Variants in SV2C observed in about 807,000 individuals in gnomAD.
SV2C encodes the protein synaptic vesicle glycoprotein 2C, also known as solute carrier family 22 member B3.
SV2C carries 49 observed loss-of-function variants against 79.7 expected under a neutral mutation model. The ratio of observed to expected loss-of-function variants is 0.61; its 90% confidence interval spans 0.49 to 0.78. The LOEUF is 0.78. Among genes scored for constraint, SV2C ranks in the 30% least tolerant of loss-of-function variants. SV2C has a pLI of 0.00. For synonymous variants in SV2C, 334 were observed against 333.2 expected, an observed-to-expected ratio of 1.00 and a Z score of -0.03; for missense variants, 833 against 912.9, an observed-to-expected ratio of 0.91 and a Z score of 1.13.
the SV2C span, among the ~76,000 whole-genome samples, chr5:75,900,478 T>C: frequency 6.6e-6 from 1 of 152,216 alleles, no homozygotes. Context: ...CCGACCTTTC[T>C]CTCTGGCTGC....
chr5:75,926,209 A>C, the SV2C span, among the ~76,000 whole-genome samples: 23 of 152,226 alleles, frequency 1.5e-4, no homozygotes, highest in African/African-American at 5.5e-4. Flanking sequence ...GGCTTACCCA[A>C]ACTCTCATCT....
the SV2C span, among the ~76,000 whole-genome samples, chr5:75,954,164 A>G: frequency 6.6e-6 from 1 of 151,966 alleles, no homozygotes; most frequent in Non-Finnish European, 1.5e-5. Flanking sequence ...AAGGGGACGC[A>G]CTGCCTTATG....
chr5:75,872,674 TG>T, the SV2C span, among the ~76,000 whole-genome samples: 2 of 147,824 alleles, frequency 1.4e-5, no homozygotes, highest in African/African-American at 5.3e-5. Context: ...GAAAGAAAAA[TG>T]ATCATATTAG....
At chr5:76,058,120 T>C in the SV2C span, among the ~76,000 whole-genome samples, 1 of 152,152 alleles carries the variant, frequency 6.6e-6, no homozygotes, top group African/African-American at 2.4e-5. Flanking sequence ...CTGTGTCTTA[T>C]GTCTGGATAA....
In SV2C at chr5:76,285,167, A is replaced by T; in HGVS notation, c.919A>T (p.Ser307Cys). 1.2e-6 allele frequency: 2 copies of T among 1,614,018 alleles called. No individual in the cohort carries two copies. The highest frequency in any genetic ancestry group is 1.7e-6 in the Non-Finnish European group (2 of 1,179,954). The change falls in exon 5 of 13, where the codon AGC (serine) becomes TGC (cysteine). Residue 307 changes from serine to cysteine, a missense_variant. Transcript: ENST00000502798. Reference sequence around the variant, plus strand: ...TCCGTGTCCTCCTTTTCCAGGGTGGAGCTTCAGCATGGGATCGGCCTACCA... The same window carrying T: ...TCCGTGTCCTCCTTTTCCAGGGTGGTGCTTCAGCATGGGATCGGCCTACCA... ...AWAIIPHYGW[S>C]FSMGSAYQFH...
chr5:75,873,886 C>T, the SV2C span, among the ~76,000 whole-genome samples: 2 of 152,088 alleles, frequency 1.3e-5, no homozygotes, highest in Admixed American at 6.6e-5. Context: ...AGACCAATAT[C>T]AAGCTCTGAA....
chr5:76,058,134 C>T, the SV2C span, among the ~76,000 whole-genome samples: 2 of 152,060 alleles, frequency 1.3e-5, no homozygotes, highest in South Asian at 2.1e-4. Context: ...TGGATAAATG[C>T]CAGAGGTGCA....
At chr5:75,911,560 C>T in the SV2C span, 1 of 670,428 alleles carries the variant, frequency 1.5e-6, no homozygotes, top group Non-Finnish European at 2.7e-6. Context: ...TAGTACCTCC[C>T]TAGAGTTCTC....
chr5:75,882,582 C>T, the SV2C span, among the ~76,000 whole-genome samples: 1 of 152,088 alleles, frequency 6.6e-6, no homozygotes, highest in Non-Finnish European at 1.5e-5. Flanking sequence ...GCAGAGCCCT[C>T]AGAAATAACA....
Position 76,332,141 on chromosome 5 carries a change from T to C in SV2C, c.*6594T>C, listed in dbSNP as rs1325184416. The C allele has an allele frequency of 2.0e-5, 3 of 152,198 alleles. No homozygotes were observed. 9.4% of individuals were successfully genotyped at this position (152,198 alleles called of 1,614,324 possible). On this transcript the variant is annotated 3_prime_UTR_variant, in exon 13 of 13. Transcript: ENST00000502798. ...GGTCTGAATGCTGAAATTGCTGAGA[T>C]TGTCCACTCTCTGCCTACTTTATTG...
chr5:76,189,247 C>T (rs1042570443), intron 2 of SV2C, among the ~76,000 whole-genome samples: 1 of 151,894 alleles, frequency 6.6e-6, no homozygotes, highest in Non-Finnish European at 1.5e-5. Flanking sequence ...AGAGACGGAG[C>T]TTACACTGAT....
In SV2C at chr5:76,132,341, G is replaced by C; in HGVS notation, c.580+11G>C. ...GATCTGGATGGCTAGGTGAGTGTGT[G>C]GTGTCAGTGAGGCCAACTCTGAAAC... is the stretch of plus-strand genomic sequence containing the variant. On this transcript the variant is annotated intron_variant, in intron 2 of 12. Transcript: ENST00000502798. 1 of 1,594,480 alleles carries C rather than the reference G, an allele frequency of 6.3e-7. No homozygotes were observed.
chr5:76,006,416 G>A, the SV2C span, among the ~76,000 whole-genome samples: 6 of 152,168 alleles, frequency 3.9e-5, no homozygotes, highest in East Asian at 1.9e-4. Flanking sequence ...TTATTCTGCA[G>A]TGTACAATAT....
chr5:76,128,038 T>A (rs540684638), intron 1 of SV2C, among the ~76,000 whole-genome samples: 130 of 152,262 alleles, frequency 8.5e-4, no homozygotes, highest in Non-Finnish European at 1.5e-3. Flanking sequence ...TCAGATTCTG[T>A]CCTAAAACCG....
intron 1 of SV2C, among the ~76,000 whole-genome samples, chr5:76,104,857 G>A (rs576484935): frequency 2.2e-4 from 34 of 152,218 alleles, no homozygotes; most frequent in Non-Finnish European, 4.1e-4. Context: ...CGGTTGTTGT[G>A]GGTGTCATGC....
At chr5:76,076,091 G>T in the SV2C span, among the ~76,000 whole-genome samples, 2 of 152,274 alleles carry the variant, frequency 1.3e-5, no homozygotes, top group Middle Eastern at 3.4e-3. Flanking sequence ...TTAATAGAAG[G>T]TCCATATTGT....
intron 2 of SV2C, among the ~76,000 whole-genome samples, chr5:76,134,522 T>C (rs77688858): frequency 0.031 from 4,750 of 152,294 alleles, 224 homozygotes; most frequent in African/African-American, 0.1. Context: ...TTTGAGGATA[T>C]AGATTTGCAA....
At chr5:76,064,292 C>G in the SV2C span, among the ~76,000 whole-genome samples, 2 of 152,184 alleles carry the variant, frequency 1.3e-5, no homozygotes, top group East Asian at 3.9e-4. Context: ...AAAGAAACCA[C>G]AGAGCTCAGG....
At chr5:76,179,720 G>A (rs1743660892) in intron 2 of SV2C, among the ~76,000 whole-genome samples, 1 of 152,186 alleles carries the variant, frequency 6.6e-6, no homozygotes, top group Non-Finnish European at 1.5e-5. Context: ...TTTGCCATCA[G>A]CAATGGATTA....
Sources: allele counts gnomAD v4.1 joint callset (sites outside exome capture counted in the v4.1 genomes callset), GRCh38; gene constraint gnomAD v4.1.1; transcripts MANE v1.5; gene names NCBI Gene and HGNC (gene_info 2026-07-23, HGNC 2026-07-21).